SLC20A2: variants seen among roughly 807,000 people sequenced by gnomAD.
SLC20A2 encodes the protein solute carrier family 20 member 2.
A neutral mutation model predicts 61.0 loss-of-function variants in SLC20A2; 30 were observed. The observed-to-expected ratio is 0.49, with a 90% confidence interval of 0.37 to 0.67. SLC20A2 has a LOEUF of 0.67. Among genes scored for constraint, SLC20A2 ranks in the 30% least tolerant of loss-of-function variants. SLC20A2 has a pLI of 0.00. For synonymous variants in SLC20A2, 351 were observed against 353.3 expected, an observed-to-expected ratio of 0.99 and a Z score of 0.07; for missense variants, 626 against 866.4, an observed-to-expected ratio of 0.72 and a Z score of 3.48.
intron 2 of SLC20A2, chr8:42,471,238 C>T (rs1807613716): frequency 2.2e-6 from 1 of 456,126 alleles, no homozygotes; most frequent in Non-Finnish European, 4.4e-6. Context: ...GTCAGCTGCA[C>T]TTAACACACG....
intron 1 of SLC20A2, among the ~76,000 whole-genome samples, chr8:42,481,284 A>C (rs550875759): frequency 9.8e-5 from 15 of 152,326 alleles, no homozygotes; most frequent in African/African-American, 2.9e-4. Context: ...TGGCTGCGTC[A>C]CTGAAAGTAG....
intron 1 of SLC20A2, among the ~76,000 whole-genome samples, chr8:42,529,014 A>T (rs191643981): frequency 1.3e-5 from 2 of 149,118 alleles, no homozygotes; most frequent in Non-Finnish European, 3.0e-5. Flanking sequence ...TTACCCTGTC[A>T]CACAGGCTGG....
intron 2 of SLC20A2, among the ~76,000 whole-genome samples, chr8:42,466,224 T>G (rs1372537648): frequency 6.6e-6 from 1 of 152,170 alleles, no homozygotes; most frequent in Non-Finnish European, 1.5e-5. Flanking sequence ...AACCTCTGCC[T>G]CCTGGGTTCA....
At chr8:42,448,864 C>T (rs1166307092) in intron 5 of SLC20A2, among the ~76,000 whole-genome samples, 1 of 152,122 alleles carries the variant, frequency 6.6e-6, no homozygotes, top group Admixed American at 6.5e-5. Context: ...ATCAGATGAG[C>T]ACAAGGATTT....
At chr8:42,502,012 T>G (rs757095259), upstream of SLC20A2, among the ~76,000 whole-genome samples, 7 of 152,328 alleles carry the variant, frequency 4.6e-5, no homozygotes, top group East Asian at 1.9e-4. Flanking sequence ...CCGCTTAGTA[T>G]CTACTCAAGA....
intron 1 of SLC20A2, among the ~76,000 whole-genome samples, chr8:42,498,321 G>A (rs922163969): frequency 5.3e-5 from 8 of 152,208 alleles, no homozygotes; most frequent in African/African-American, 1.9e-4. Flanking sequence ...GGAGGAGAAA[G>A]GGAAGGCACA....
chr8:42,521,678 T>A (rs1811625897), intron 1 of SLC20A2, among the ~76,000 whole-genome samples: 1 of 119,734 alleles, frequency 8.4e-6, no homozygotes, highest in African/African-American at 2.6e-5. Context: ...TTTGTAGAGA[T>A]GGGGTTTTGC....
chr8:42,501,917 C>T (rs915099245), upstream of SLC20A2, among the ~76,000 whole-genome samples: 7 of 152,246 alleles, frequency 4.6e-5, no homozygotes, highest in African/African-American at 1.4e-4. Context: ...AGACCCCAAA[C>T]ATACAGCTGA....
chr8:42,444,608 A>G, intron 6 of SLC20A2, 38 bp downstream of exon 6: 2 of 1,485,350 alleles, frequency 1.3e-6, no homozygotes, highest in South Asian at 2.3e-5. Flanking sequence ...GGGAATCGGG[A>G]GCATTTCTGT....
rs1045287967 is a variant in SLC20A2 at position 42,520,501 on chromosome 8, C to T, written c.-265+21320G>A. Among the ~76,000 whole-genome samples the T allele has an allele frequency of 3.6e-4, 23 of 63,066 alleles. 5 individuals carry two copies. Among genetic ancestry groups the T allele is most frequent in the Middle Eastern group, 9.1e-3 (1 of 110 alleles). 41.4% of individuals were successfully genotyped at this position (63,066 alleles called of 152,430 possible). A position where few individuals can be genotyped will look rare whatever the true frequency, so the allele number is the denominator to read the frequency against. ...CAGCACTTTGGGAGGCCGAGGTGGGCGGATCATGGGGTCAGGAGATTGAGA... is the reference window on the plus strand; with the variant it reads ...CAGCACTTTGGGAGGCCGAGGTGGGTGGATCATGGGGTCAGGAGATTGAGA... On this transcript the variant is annotated intron_variant, in intron 1 of 10. Transcript: ENST00000342228.
upstream of SLC20A2, among the ~76,000 whole-genome samples, chr8:42,501,749 A>G (rs1810333706): frequency 6.6e-6 from 1 of 152,238 alleles, no homozygotes; most frequent in South Asian, 2.1e-4. Flanking sequence ...AGATTCAGTA[A>G]TAAATCACAA....
At chr8:42,477,767 G>A (rs1808239088) in intron 1 of SLC20A2, among the ~76,000 whole-genome samples, 1 of 151,968 alleles carries the variant, frequency 6.6e-6, no homozygotes, top group Non-Finnish European at 1.5e-5. Context: ...CACTGCACCT[G>A]GCCTGGACAG....
intron 1 of SLC20A2, among the ~76,000 whole-genome samples, chr8:42,525,900 T>C (rs954489594): frequency 2.0e-5 from 3 of 152,166 alleles, no homozygotes; most frequent in Non-Finnish European, 2.9e-5. Context: ...TAAAGTAGCA[T>C]TGGATTATAA....
At chr8:42,429,749 C>A (rs1036488534) in intron 9 of SLC20A2, among the ~76,000 whole-genome samples, 24 of 152,160 alleles carry the variant, frequency 1.6e-4, no homozygotes, top group Non-Finnish European at 2.6e-4. Context: ...CCCTCCCTGC[C>A]CACCTGCCTT....
intron 3 of SLC20A2, among the ~76,000 whole-genome samples, chr8:42,464,275 T>C (rs1195364639): frequency 6.9e-6 from 1 of 145,820 alleles, no homozygotes; most frequent in Non-Finnish European, 1.5e-5. Context: ...ACCAGGCTAA[T>C]TTTCTTTCTT....
intron 5 of SLC20A2, among the ~76,000 whole-genome samples, chr8:42,451,907 T>A (rs1470827244): frequency 4.1e-5 from 3 of 73,012 alleles, no homozygotes; most frequent in East Asian, 4.1e-4. Context: ...GAGGAAGAGA[T>A]GGAGGAGGAG....
intron 5 of SLC20A2, among the ~76,000 whole-genome samples, chr8:42,457,284 C>A (rs1806286234): frequency 1.3e-5 from 2 of 152,218 alleles, no homozygotes; most frequent in South Asian, 2.1e-4. Flanking sequence ...GACAAACACA[C>A]TTCCTGGTCC....
chr8:42,442,929 C>G (rs936538680), intron 6 of SLC20A2, among the ~76,000 whole-genome samples: 1 of 152,028 alleles, frequency 6.6e-6, no homozygotes, highest in African/African-American at 2.4e-5. Flanking sequence ...ATGTAAATAT[C>G]TGTTTTTTGA....
At chr8:42,497,618 T>G (rs1323466616) in intron 1 of SLC20A2, among the ~76,000 whole-genome samples, 1 of 152,116 alleles carries the variant, frequency 6.6e-6, no homozygotes, top group Non-Finnish European at 1.5e-5. Context: ...TGAAGAACAA[T>G]TCAAGAGTCT....
Sources: allele counts gnomAD v4.1 joint callset (sites outside exome capture counted in the v4.1 genomes callset), GRCh38; gene constraint gnomAD v4.1.1; transcripts MANE v1.5; gene names NCBI Gene and HGNC (gene_info 2026-07-23, HGNC 2026-07-21).